The following MKNK2 variants were observed in gnomAD, a reference collection of about 807,000 sequenced individuals.
The protein encoded by MKNK2 is MAP kinase-interacting serine/threonine-protein kinase 2.
Under a neutral mutation model 55.0 loss-of-function variants are expected in MKNK2, and 54 were observed. The observed-to-expected ratio is 0.98, with a 90% confidence interval of 0.79 to 1.23. MKNK2 has a LOEUF of 1.23. MKNK2 is among the 50% of genes most tolerant of loss of function. The probability of loss-of-function intolerance (pLI) is 0.00; values close to 1 mark genes in which losing one functional copy is unlikely to be tolerated. For synonymous variants in MKNK2, 323 were observed against 256.0 expected, an observed-to-expected ratio of 1.26 and a Z score of -2.50; for missense variants, 685 against 632.1, an observed-to-expected ratio of 1.08 and a Z score of -0.90.
At chr19:2,042,355 G>A (rs1234858541) in intron 10 of MKNK2, 72 bp downstream of exon 10, 7 of 1,356,260 alleles carry the variant, frequency 5.2e-6, no homozygotes, top group African/African-American at 1.4e-5. Context: ...CTGCTGGATG[G>A]CCCAGGCTCC....
Position 2,038,255 on chromosome 19 carries a change from T to C in MKNK2, c.*1358A>G, listed in dbSNP as rs1442631224. 2.0e-6 allele frequency: 2 copies of C among 987,426 alleles called. No individual in the cohort carries two copies. Among genetic ancestry groups the C allele is most frequent in the South Asian group, 4.7e-5 (1 of 21,408 alleles). The allele number at this position is 987,426 out of a possible 1,614,324, so 61.2% of individuals were successfully genotyped here. ...AAGTCCATCGATGTGTTGTTTTTTT[T>C]TAAGGAAAAACTAAAAAACTAAACA... On this transcript the variant is annotated 3_prime_UTR_variant, in exon 14 of 14. Transcript: ENST00000250896.
intron 11 of MKNK2, 42 bp downstream of exon 11, chr19:2,041,798 G>A (rs1484909775): frequency 3.4e-6 from 5 of 1,459,386 alleles, no homozygotes; most frequent in Non-Finnish European, 4.5e-6. Flanking sequence ...AGGCCCGGGG[G>A]AGGAGGGTGC....
chr19:2,042,560 A>C (rs2016912861), intron 9 of MKNK2, 38 bp from the exon 10 acceptor site: 1 of 1,577,390 alleles, frequency 6.3e-7, no homozygotes, highest in Non-Finnish European at 8.6e-7. Context: ...CTGGGGTCCC[A>C]CGCGGTCCAC....
chr19:2,048,803 G>T (rs919784897), intron 2 of MKNK2, among the ~76,000 whole-genome samples: 1 of 152,056 alleles, frequency 6.6e-6, no homozygotes, highest in Non-Finnish European at 1.5e-5. Context: ...GGAAGGGGGG[G>T]GCTCCAACTA....
At position 2,042,532 on chromosome 19, in the gene MKNK2, G is replaced by A. The variant is rs749198342; in HGVS notation, c.655-10C>T. ...TCTTCACGGGGGAGACCTGGGAGGG[G>A]CCAAAAGGTCCGTGAGCCTGGGGTC... is the stretch of plus-strand genomic sequence containing the variant. On this transcript the variant is annotated splice_polypyrimidine_tract_variant and intron_variant, in intron 9 of 13. Transcript: ENST00000250896. 4 of 1,589,244 alleles carry A rather than the reference G, an allele frequency of 2.5e-6. No homozygotes were observed. The highest frequency in any genetic ancestry group is 2.6e-6 in the Non-Finnish European group (3 of 1,169,010).
rs2016790272 is a variant in MKNK2, at chr19:2,038,034, C to CG, written c.*1578_*1579insC. The stretch of plus-strand genomic sequence containing the variant: ...AAAGGGGTGGGCGGAATGCCCCACC[C>CG]CCCCCAGGGGTCTTTGGAAGGGGCA... On this transcript the variant is annotated 3_prime_UTR_variant, in exon 14 of 14. Transcript: ENST00000250896. 43 of 1,307,284 alleles carry CG rather than the reference C, an allele frequency of 3.3e-5. No individual in the cohort carries two copies. The South Asian group carries it at 6.2e-4, about 19-fold the overall frequency. 81.0% of individuals were successfully genotyped at this position (1,307,284 alleles called of 1,614,324 possible). A position where few individuals can be genotyped will look rare whatever the true frequency, so the allele number is the denominator to read the frequency against.
Position 2,042,643 on chromosome 19 carries a change from T to C in MKNK2, c.618A>G (p.Leu206=). ...GCTCACAGAGGATGTTTTCCGGCTTTAGGTCCCTGTGGGCGATGCCTGGGG... is the reference window on the plus strand; with the variant it reads ...GCTCACAGAGGATGTTTTCCGGCTTCAGGTCCCTGTGGGCGATGCCTGGGG... The part of the protein sequence containing the change: ...LHNKGIAHRD[L]KPENILCEHP... The change falls in exon 9 of 14, where the codon CTA becomes CTG. Residue 206 remains leucine (L), a synonymous_variant. Transcript: ENST00000250896. 6.4e-7 allele frequency: 1 copy of C among 1,563,440 alleles called. No homozygotes were observed.
intron 2 of MKNK2, among the ~76,000 whole-genome samples, chr19:2,050,539 G>A (rs368613212): frequency 1.8e-4 from 27 of 152,312 alleles, no homozygotes; most frequent in African/African-American, 6.5e-4. Flanking sequence ...ACCCGGAGGG[G>A]GCTCCTGCTC....
chr19:2,049,925 A>T (rs1483420825), intron 2 of MKNK2, among the ~76,000 whole-genome samples: 1 of 152,038 alleles, frequency 6.6e-6, no homozygotes, highest in East Asian at 1.9e-4. Context: ...ACACACACAA[A>T]CACACACACA....
chr19:2,044,180 G>C, intron 5 of MKNK2, among the ~76,000 whole-genome samples: 1 of 151,958 alleles, frequency 6.6e-6, no homozygotes, highest in Non-Finnish European at 1.5e-5. Context: ...GTGGGTACCT[G>C]GTCACCCATA....
In MKNK2 at chr19:2,038,662, G is replaced by A. The variant is rs148663343; in HGVS notation, c.*951C>T. 0.012 allele frequency: 11,947 copies of A among 985,700 alleles called. 102 individuals carry two copies. Among genetic ancestry groups the A allele is most frequent in the Non-Finnish European group, 0.013 (11,090 of 830,116 alleles). The allele number at this position is 985,700 out of a possible 1,614,324, so 61.1% of individuals were successfully genotyped here. The stretch of plus-strand genomic sequence containing the variant: ...CTGACGGAGCTTCCAGGTCAGGCCC[G>A]AGGGGCGGCGCGAGGCAGGACGTGG... On this transcript the variant is annotated 3_prime_UTR_variant, in exon 14 of 14. Transcript: ENST00000250896.
Position 2,038,600 on chromosome 19 carries a change from C to T in MKNK2, c.*1013G>A. 1 of 985,354 alleles carries T rather than the reference C, an allele frequency of 1.0e-6. No individual in the cohort carries two copies. The highest frequency in any genetic ancestry group is 4.7e-5 in the South Asian group (1 of 21,288). 61.0% of individuals were successfully genotyped at this position (985,354 alleles called of 1,614,324 possible). On this transcript the variant is annotated 3_prime_UTR_variant, in exon 14 of 14. Coordinates refer to ENST00000250896, the MANE Select transcript of MKNK2 (RefSeq NM_199054.3). Reference sequence around the variant, plus strand: ...CTGGGGGTGAGGATTCGGCCAGACCCCGGGGTCTGGGCTCAGCTCTAAGGA... The same window carrying T: ...CTGGGGGTGAGGATTCGGCCAGACCTCGGGGTCTGGGCTCAGCTCTAAGGA...
chr19:2,045,210 C>T (rs150759396), intron 5 of MKNK2, among the ~76,000 whole-genome samples: 41 of 152,268 alleles, frequency 2.7e-4, no homozygotes, highest in Admixed American at 2.0e-3. Context: ...GGAGGTGGCT[C>T]TGAGACACCA....
Position 2,041,979 on chromosome 19 carries a change from G to A in MKNK2, c.806C>T (p.Ala269Val). 1 of 1,561,160 alleles carries A rather than the reference G, an allele frequency of 6.4e-7. No homozygotes were observed. The highest frequency in any genetic ancestry group is 8.7e-7 in the Non-Finnish European group (1 of 1,153,574). Reference protein sequence around the residue: ...PEVVEAFSEEASIYDKRCDLW... With the variant: ...PEVVEAFSEEVSIYDKRCDLW... ...GTCGCAGCGCTTGTCGTAGATGCTA[G>A]CCTCCTCGCTGAAGGCCTCCACTAC... Residue 269 changes from alanine (A) to valine (V), a missense_variant, in exon 11 of 14, where the codon GCT becomes GTT. Coordinates refer to ENST00000250896, the MANE Select transcript of MKNK2 (RefSeq NM_199054.3).
intron 5 of MKNK2, among the ~76,000 whole-genome samples, chr19:2,044,714 C>T (rs931398299): frequency 6.6e-6 from 1 of 152,244 alleles, no homozygotes; most frequent in African/African-American, 2.4e-5. Flanking sequence ...CAACTGGACG[C>T]CAGGGTGTCC....
rs2017110288 is a variant in MKNK2, at chr19:2,051,140, C to A, written c.-141G>T. On this transcript the variant is annotated 5_prime_UTR_variant, in exon 1 of 14. Transcript: ENST00000250896. ...GGGCCGCAGTGCCGCCGCCGCCCCA[C>A]GTCGCGCAGCCCGGACCCCGCTCCG... 3 of 172,134 alleles carry A rather than the reference C, an allele frequency of 1.7e-5. No homozygotes were observed. The allele number at this position is 172,134 out of a possible 1,614,324, so 10.7% of individuals were successfully genotyped here. A position where few individuals can be genotyped will look rare whatever the true frequency, so the allele number is the denominator to read the frequency against.
chr19:2,037,816 A>C lies in MKNK2; in HGVS notation c.*1797T>G. ...CGACAGGGGTGGGGAGGGAGGAGGA[A>C]GTGACTGTCCCACCTTCAGAAAAAA... On this transcript the variant is annotated 3_prime_UTR_variant, in exon 14 of 14. Transcript: ENST00000250896. The C allele has an allele frequency of 6.3e-6, 10 of 1,593,564 alleles. No homozygotes were observed. Among genetic ancestry groups the C allele is most frequent in the Non-Finnish European group, 8.6e-6 (10 of 1,167,636 alleles).
chr19:2,046,183 C>A lies in MKNK2; in HGVS notation c.339+3G>T. The stretch of plus-strand genomic sequence containing the variant: ...GGTTCCCCAGGGCGCGGCGCGGGCC[C>A]ACCTTGACGGCGTACTCCTGGCTGG... On this transcript the variant is annotated splice_donor_region_variant and intron_variant, in intron 5 of 13. Transcript: ENST00000250896. 6.2e-7 allele frequency: 1 copy of A among 1,608,244 alleles called. No individual in the cohort carries two copies. Among genetic ancestry groups the A allele is most frequent in the Non-Finnish European group, 8.5e-7 (1 of 1,179,858 alleles).
In MKNK2 at chr19:2,043,539, C is replaced by T; in HGVS notation, c.383G>A (p.Arg128Lys). ...QPGHIRSRVF[R>K]EVEMLYQCQG... ...GCACTGGTACAGCATCTCCACCTCC[C>T]TGAAAACCCTGCTCCGAATGTGGCC... Residue 128 changes from arginine to lysine, a missense_variant, in exon 6 of 14, where the codon AGG (arginine) becomes AAG (lysine). By Grantham distance (26) the Arg-to-Lys change is conservative. Coordinates refer to ENST00000250896, the MANE Select transcript of MKNK2 (RefSeq NM_199054.3). 1.2e-6 allele frequency: 2 copies of T among 1,614,116 alleles called. No individual in the cohort carries two copies. Among genetic ancestry groups the T allele is most frequent in the African/African-American group, 1.3e-5 (1 of 75,048 alleles).
Sources: allele counts gnomAD v4.1 joint callset (sites outside exome capture counted in the v4.1 genomes callset), GRCh38; gene constraint gnomAD v4.1.1; transcripts MANE v1.5; gene names NCBI Gene and HGNC (gene_info 2026-07-23, HGNC 2026-07-21).